CMSS1: variants seen among roughly 807,000 people sequenced by gnomAD.
CMSS1 encodes cms1 ribosomal small subunit homolog.
In CMSS1, 33 loss-of-function variants were observed where a neutral mutation model predicts 43.5. The observed-to-expected ratio is 0.76, with a 90% confidence interval of 0.57 to 1.01. CMSS1 has a LOEUF of 1.01. Ranked by LOEUF, CMSS1 falls within the 50% of genes least tolerant of loss-of-function variation. CMSS1 has a pLI of 0.00. For missense variants in CMSS1, 313 were observed against 326.4 expected, an observed-to-expected ratio of 0.96 and a Z score of 0.32; for synonymous variants, 115 against 117.2, an observed-to-expected ratio of 0.98 and a Z score of 0.12.
At chr3:100,071,306 A>C (rs1180139402) in intron 1 of CMSS1, among the ~76,000 whole-genome samples, 1 of 152,130 alleles carries the variant, frequency 6.6e-6, no homozygotes, top group African/African-American at 2.4e-5. Context: ...AAACTTGTAC[A>C]TCAAGAAGAC....
chr3:100,141,525 G>T (rs1245789715), intron 1 of CMSS1: 1 of 456,060 alleles, frequency 2.2e-6, no homozygotes, highest in African/African-American at 2.0e-5. Flanking sequence ...TGATCCCATT[G>T]CCAGGGCCCC....
chr3:100,114,819 T>A (rs2066543428), intron 1 of CMSS1: 1 of 604,962 alleles, frequency 1.7e-6, no homozygotes, highest in South Asian at 2.1e-5. Flanking sequence ...TGTTTGTGAT[T>A]TAAGTAACAA....
At chr3:100,146,943 T>C in intron 1 of CMSS1, 30 bp from the exon 2 acceptor site, 1 of 1,604,974 alleles carries the variant, frequency 6.2e-7, no homozygotes, top group African/African-American at 1.3e-5. Flanking sequence ...GAGAGAGACT[T>C]TTCTGATTTT....
chr3:100,173,859 A>G (rs1243811934), intron 8 of CMSS1, among the ~76,000 whole-genome samples: 1 of 152,184 alleles, frequency 6.6e-6, no homozygotes, highest in Non-Finnish European at 1.5e-5. Context: ...CTAGCAACTT[A>G]CCAGCTCTGT....
chr3:99,966,758 G>A (rs1209088011), intron 1 of CMSS1, among the ~76,000 whole-genome samples: 1 of 152,138 alleles, frequency 6.6e-6, no homozygotes, highest in Non-Finnish European at 1.5e-5. Flanking sequence ...TGGTGAGCAG[G>A]ATCTCTGTAA....
intron 1 of CMSS1, among the ~76,000 whole-genome samples, chr3:99,905,938 G>T (rs1706601751): frequency 6.6e-6 from 1 of 152,092 alleles, no homozygotes; most frequent in Non-Finnish European, 1.5e-5. Flanking sequence ...CATGCTTGTA[G>T]TCCCAGCAGT....
intron 1 of CMSS1, among the ~76,000 whole-genome samples, chr3:100,119,166 T>A (rs1469357437): frequency 6.6e-6 from 1 of 152,232 alleles, no homozygotes; most frequent in Non-Finnish European, 1.5e-5. Flanking sequence ...CAATTATTAC[T>A]GCACATGTCT....
chr3:100,154,215 G>A (rs1360354513), intron 2 of CMSS1, among the ~76,000 whole-genome samples: 2 of 152,062 alleles, frequency 1.3e-5, no homozygotes, highest in Non-Finnish European at 2.9e-5. Context: ...AGTTTCTTGG[G>A]GAATGGTTTT....
chr3:100,117,464 G>A (rs979149489), intron 1 of CMSS1, among the ~76,000 whole-genome samples: 1 of 151,988 alleles, frequency 6.6e-6, no homozygotes, highest in Non-Finnish European at 1.5e-5. Flanking sequence ...AAATAAGGTG[G>A]AATTATTCAT....
intron 1 of CMSS1, among the ~76,000 whole-genome samples, chr3:99,928,644 T>C (rs1196708422): frequency 1.3e-5 from 2 of 152,214 alleles, no homozygotes; most frequent in Non-Finnish European, 1.5e-5. Flanking sequence ...AATCATCCTG[T>C]TCCATTTCAC....
intron 3 of CMSS1, among the ~76,000 whole-genome samples, chr3:100,160,942 A>G (rs1018920548): frequency 6.6e-6 from 1 of 152,228 alleles, no homozygotes; most frequent in African/African-American, 2.4e-5. Flanking sequence ...TGAAGGTAGT[A>G]TGAGGCACTT....
At chr3:99,988,231 C>G (rs1709403907) in intron 1 of CMSS1, among the ~76,000 whole-genome samples, 1 of 151,320 alleles carries the variant, frequency 6.6e-6, no homozygotes, top group Non-Finnish European at 1.5e-5. Flanking sequence ...GGCGCAGTGC[C>G]TCACGCCTGT....
At chr3:99,883,692 G>T (rs1032746798) in intron 1 of CMSS1, among the ~76,000 whole-genome samples, 5 of 152,036 alleles carry the variant, frequency 3.3e-5, no homozygotes, top group Non-Finnish European at 7.4e-5. Context: ...TTCTATACTG[G>T]TTTTGTTTGT....
intron 1 of CMSS1, among the ~76,000 whole-genome samples, chr3:100,082,990 A>G (rs2065955136): frequency 6.6e-6 from 1 of 152,212 alleles, no homozygotes. Flanking sequence ...TAATGTTTAG[A>G]AAAATTCAAG....
At position 100,032,307 on chromosome 3, in the gene CMSS1, T is replaced by C. The variant is rs148256538; in HGVS notation, c.65-114666T>C. 4.6e-3 allele frequency among the ~76,000 whole-genome samples: 707 copies of C among 152,360 alleles called. 2 individuals carry two copies. The highest frequency in any genetic ancestry group is 7.0e-3 in the South Asian group (34 of 4,826). ...AGTTGGTACTAGGTCAAATTCCAGA[T>C]TGGTTATTTTGATTTACTCTCTTAA... On this transcript the variant is annotated intron_variant, in intron 1 of 9. Transcript: ENST00000421999.
intron 1 of CMSS1, among the ~76,000 whole-genome samples, chr3:100,074,840 C>T (rs1217198603): frequency 2.6e-5 from 4 of 151,238 alleles, no homozygotes; most frequent in East Asian, 3.9e-4. Context: ...ATTACAGGTG[C>T]GCACCACCAC....
chr3:100,160,919 A>G (rs982432004), intron 3 of CMSS1, among the ~76,000 whole-genome samples: 2 of 152,224 alleles, frequency 1.3e-5, no homozygotes, highest in Non-Finnish European at 2.9e-5. Flanking sequence ...ATAAAAAGAA[A>G]ATAATAAGCA....
Position 99,929,971 on chromosome 3 carries a change from T to G in CMSS1, c.64+111928T>G, listed in dbSNP as rs1421655017. 3 of 1,613,960 alleles carry G rather than the reference T, an allele frequency of 1.9e-6. No individual in the cohort carries two copies. The Admixed American group carries it at 5.0e-5, about 27-fold the overall frequency. On this transcript the variant is annotated intron_variant, in intron 1 of 9. Transcript: ENST00000421999. ...TGGAGTGACAAACCCATACTGAGCT[T>G]CCAGCAAAGCCAGGTCCATTTTTTC...
rs941904599 is a variant in CMSS1, at chr3:99,873,707, T to G, written c.64+55664T>G. On this transcript the variant is annotated intron_variant, in intron 1 of 9. Transcript: ENST00000421999. ...ACAGCAGAGAACCCTTAAACAAAAT[T>G]TACAGCCTTTTGAGAAGGCAAATTA... is the stretch of plus-strand genomic sequence containing the variant. 2.6e-5 allele frequency among the ~76,000 whole-genome samples: 4 copies of G among 152,160 alleles called. No individual in the cohort carries two copies. In the East Asian group the frequency reaches 7.7e-4, roughly 29 times the overall value.
Sources: gnomAD v4.1 joint callset for allele counts (sites outside exome capture counted in the v4.1 genomes callset) on GRCh38, gnomAD v4.1.1 for gene constraint, MANE v1.5 for transcripts, NCBI Gene and HGNC (gene_info 2026-07-23, HGNC 2026-07-21) for gene names.